The following WIPF1 variants were observed in gnomAD, a reference collection of about 807,000 sequenced individuals.
WIPF1 encodes WAS/WASL-interacting protein family member 1.
In WIPF1, 13 loss-of-function variants were observed where a neutral mutation model predicts 35.4. The observed-to-expected ratio is 0.37, with a 90% CI of 0.24 to 0.58. WIPF1 has a LOEUF of 0.58. WIPF1 is among the 20% of genes least tolerant of loss of function. The pLI is 0.74. For synonymous variants in WIPF1, 267 were observed against 266.3 expected (o/e 1.00, Z -0.02); for missense variants, 591 against 667.0 (o/e 0.89, Z 1.25).
At chr2:174,574,626 G>C (rs1684985613) in intron 4 of WIPF1, 1 of 418,680 alleles carries the variant, frequency 2.4e-6, no homozygotes, top group Non-Finnish European at 4.2e-6. Flanking sequence ...AGCAAGTTCA[G>C]TTTTTTTCTA....
chr2:174,569,658 A>G (rs1439812810), intron 5 of WIPF1, among the ~76,000 whole-genome samples: 3 of 152,252 alleles, frequency 2.0e-5, no homozygotes, highest in East Asian at 3.8e-4. Flanking sequence ...ATGATCATTT[A>G]TTGAATATAA....
At chr2:174,625,065 C>T (rs145387725) in intron 1 of WIPF1, among the ~76,000 whole-genome samples, 1,662 of 152,246 alleles carry the variant, frequency 0.011, 15 homozygotes, top group Non-Finnish European at 0.018. Flanking sequence ...CTCCTTGGGG[C>T]GGCTGGCTGG....
chr2:174,582,978 T>C lies in WIPF1; in HGVS notation c.52-1539A>G, dbSNP rs144244863. On this transcript the variant is annotated intron_variant, in intron 2 of 7. Transcript: ENST00000679041. ...ATTTCCATTTTACAGACAAGGAAAC[T>C]GAGGTATAGGGAGTTTAAATCATTT... Among the ~76,000 whole-genome samples the C allele has an allele frequency of 5.2e-3, 788 of 152,340 alleles. 13 individuals carry two copies. Among genetic ancestry groups the C allele is most frequent in the African/African-American group, 0.018 (752 of 41,574 alleles).
chr2:174,621,258 A>C (rs1302782192), intron 1 of WIPF1, among the ~76,000 whole-genome samples: 1 of 152,178 alleles, frequency 6.6e-6, no homozygotes, highest in African/African-American at 2.4e-5. Flanking sequence ...ATAATAAGAC[A>C]TAGAGACTAA....
intron 1 of WIPF1, among the ~76,000 whole-genome samples, chr2:174,663,882 T>G (rs1687833169): frequency 6.6e-6 from 1 of 152,178 alleles, no homozygotes; most frequent in Non-Finnish European, 1.5e-5. Context: ...CCAGAAAACA[T>G]TGCTCAGGCC....
At chr2:174,605,471 T>C (rs889086755) in intron 1 of WIPF1, among the ~76,000 whole-genome samples, 1 of 152,138 alleles carries the variant, frequency 6.6e-6, no homozygotes, top group African/African-American at 2.4e-5. Context: ...AACGTGTAGA[T>C]GTTACTTGGA....
At chr2:174,667,107 T>G (rs1462614609) in intron 1 of WIPF1, among the ~76,000 whole-genome samples, 1 of 152,160 alleles carries the variant, frequency 6.6e-6, no homozygotes, top group Non-Finnish European at 1.5e-5. Flanking sequence ...TTTGTCCTTC[T>G]CTGGACTTGA....
At chr2:174,606,204 G>A (rs114821433) in intron 1 of WIPF1, among the ~76,000 whole-genome samples, 1,528 of 152,226 alleles carry the variant, frequency 0.01, 20 homozygotes, top group African/African-American at 0.033. Context: ...TTTGAGTTAC[G>A]TGTGCAATTC....
chr2:174,681,699 G>T (rs1688248022), intron 1 of WIPF1, among the ~76,000 whole-genome samples: 1 of 152,084 alleles, frequency 6.6e-6, no homozygotes, highest in Non-Finnish European at 1.5e-5. Context: ...AGTGGGGTGG[G>T]GTCCAGAGAC....
chr2:174,674,652 A>G lies in WIPF1; in HGVS notation c.-39+8122T>C, dbSNP rs111958933. Among the ~76,000 whole-genome samples the G allele has an allele frequency of 1.1e-4, 16 of 152,296 alleles. 3 individuals carry two copies. Among genetic ancestry groups the G allele is most frequent in the African/African-American group, 3.9e-4 (16 of 41,554 alleles). ...GCAAAAGACAGGTAAGAATAAATCA[A>G]ATAAGTGAATTTTTTTAATGTAGAG... On this transcript the variant is annotated intron_variant, in intron 1 of 8. Coordinates refer to the WIPF1 transcript ENST00000272746.
intron 1 of WIPF1, among the ~76,000 whole-genome samples, chr2:174,633,670 G>A (rs1687096748): frequency 6.6e-6 from 1 of 152,138 alleles, no homozygotes; most frequent in Non-Finnish European, 1.5e-5. Context: ...ATAATCTTGG[G>A]CCCTTTCTAT....
intron 1 of WIPF1, among the ~76,000 whole-genome samples, chr2:174,618,461 A>G (rs2115874): frequency 0.8 from 122,272 of 152,108 alleles, 49,417 homozygotes; most frequent in East Asian, 0.99. Flanking sequence ...CATCTCCTGG[A>G]ACTGAGGGTG....
intron 1 of WIPF1, among the ~76,000 whole-genome samples, chr2:174,591,424 T>C (rs1685602515): frequency 6.6e-6 from 1 of 152,182 alleles, no homozygotes; most frequent in Admixed American, 6.5e-5. Context: ...TATTTCTGGA[T>C]TGTCATACGT....
intron 5 of WIPF1, chr2:174,570,751 C>G (rs1684803795): frequency 2.0e-5 from 3 of 152,230 alleles, no homozygotes; most frequent in South Asian, 4.2e-4. Context: ...GTCACAGGGT[C>G]AAAGGTCTCT....
chr2:174,620,438 T>C (rs1465632805), intron 1 of WIPF1, among the ~76,000 whole-genome samples: 1 of 152,246 alleles, frequency 6.6e-6, no homozygotes, highest in African/African-American at 2.4e-5. Flanking sequence ...CTACAGTTGT[T>C]CTAAACTCTA....
chr2:174,661,862 G>T (rs1049752980), intron 1 of WIPF1, among the ~76,000 whole-genome samples: 1 of 152,192 alleles, frequency 6.6e-6, no homozygotes, highest in Non-Finnish European at 1.5e-5. Flanking sequence ...CACTGGGTGT[G>T]TGGTGTCTGG....
At position 174,562,396 on chromosome 2, in the gene WIPF1, C is replaced by A. The variant is rs1684507918; in HGVS notation, c.*151G>T. ...AAGCTAGGTGCATTTCTTACCGATT[C>A]CCACCCACACACGCATATTCCCACT... On this transcript the variant is annotated 3_prime_UTR_variant, in exon 8 of 8. Coordinates refer to ENST00000679041, the MANE Select transcript of WIPF1 (RefSeq NM_001375834.1). 2.0e-6 allele frequency: 3 copies of A among 1,502,802 alleles called. No individual in the cohort carries two copies. The highest frequency in any genetic ancestry group is 4.9e-5 in the East Asian group (2 of 40,824). 93.1% of individuals were successfully genotyped at this position (1,502,802 alleles called of 1,614,324 possible).
intron 1 of WIPF1, among the ~76,000 whole-genome samples, chr2:174,674,441 A>G (rs1278221529): frequency 6.6e-6 from 1 of 152,218 alleles, no homozygotes; most frequent in Non-Finnish European, 1.5e-5. Flanking sequence ...TTCTTAAATA[A>G]TGCACTTTTA....
intron 1 of WIPF1, among the ~76,000 whole-genome samples, chr2:174,631,284 A>T (rs1309722658): frequency 6.6e-6 from 1 of 152,252 alleles, no homozygotes; most frequent in Non-Finnish European, 1.5e-5. Context: ...TTTGGCCTTA[A>T]AAAGGAAGGA....
Sources: gnomAD v4.1 joint callset for allele counts (sites outside exome capture counted in the v4.1 genomes callset) on GRCh38, gnomAD v4.1.1 for gene constraint, MANE v1.5 for transcripts, NCBI Gene and HGNC (gene_info 2026-07-23, HGNC 2026-07-21) for gene names.